GABBR2: variants seen among roughly 807,000 people sequenced by gnomAD.
GABBR2 encodes G-protein coupled receptor 51.
GABBR2 carries 23 observed loss-of-function variants against 105.6 expected under a neutral mutation model. The observed-to-expected ratio is 0.22, with a 90% confidence interval of 0.16 to 0.31. The LOEUF (loss-of-function observed/expected upper bound fraction) is 0.31, where lower values mean the gene tolerates loss of function less well. Ranked by LOEUF, GABBR2 falls within the 10% of genes least tolerant of loss-of-function variation. The pLI is 1.00. For missense variants in GABBR2, 734 were observed against 1,245.5 expected (o/e 0.59, Z 6.18); for synonymous variants, 478 against 499.7 (o/e 0.96, Z 0.58).
At chr9:98,474,021 CT>C (rs1344161663) in intron 5 of GABBR2, among the ~76,000 whole-genome samples, 3 of 152,176 alleles carry the variant, frequency 2.0e-5, no homozygotes, top group Non-Finnish European at 4.4e-5. Flanking sequence ...CGCTCTGAAT[CT>C]TTATCCAAAA....
chr9:98,624,774 T>C (rs1313553394), intron 1 of GABBR2, among the ~76,000 whole-genome samples: 1 of 152,008 alleles, frequency 6.6e-6, no homozygotes, highest in Non-Finnish European at 1.5e-5. Flanking sequence ...TGCTGGCAAA[T>C]GCACTGAGAA....
Position 98,456,635 on chromosome 9 carries a change from G to A in GABBR2, c.1000-2418C>T, listed in dbSNP as rs573743508. 2.6e-5 allele frequency among the ~76,000 whole-genome samples: 4 copies of A among 152,276 alleles called. No homozygotes were observed. The East Asian group carries it at 5.8e-4, about 22-fold the overall frequency. ...GTTTCTCTGTCTGTAAAACACAGGA[G>A]CACACCTATTCACACATTGTAGAGC... On this transcript the variant is annotated intron_variant, in intron 6 of 18. Coordinates refer to ENST00000259455, the MANE Select transcript of GABBR2 (RefSeq NM_005458.8).
At chr9:98,331,516 C>T (rs746734284) in intron 13 of GABBR2, among the ~76,000 whole-genome samples, 2 of 150,490 alleles carry the variant, frequency 1.3e-5, no homozygotes, top group Non-Finnish European at 2.9e-5. Context: ...ACCTACACTG[C>T]CATTGTCAAT....
chr9:98,403,655 G>A (rs551507507), intron 8 of GABBR2, among the ~76,000 whole-genome samples: 4 of 152,110 alleles, frequency 2.6e-5, no homozygotes, highest in South Asian at 2.1e-4. Flanking sequence ...GCAGCCAGGG[G>A]GTTTCAGCAC....
chr9:98,518,202 C>T lies in GABBR2; in HGVS notation c.631-21688G>A, dbSNP rs561281758. 4.9e-4 allele frequency among the ~76,000 whole-genome samples: 74 copies of T among 152,310 alleles called. 1 individual carries two copies. Among genetic ancestry groups the T allele is most frequent in the Non-Finnish European group, 9.1e-4 (62 of 68,026 alleles). On this transcript the variant is annotated intron_variant, in intron 3 of 18. Coordinates refer to ENST00000259455, the MANE Select transcript of GABBR2 (RefSeq NM_005458.8). ...TGCTCGTGACTCCAGCCATTGCTAGCCCCTGGAGCTGCAGTAGCCCTGGTT... is the reference window on the plus strand; with the variant it reads ...TGCTCGTGACTCCAGCCATTGCTAGTCCCTGGAGCTGCAGTAGCCCTGGTT...
At position 98,469,940 on chromosome 9, in the gene GABBR2, G is replaced by A. The variant is rs558972883; in HGVS notation, c.999+3206C>T. Among the ~76,000 whole-genome samples, 135 of 152,236 alleles carry A rather than the reference G, an allele frequency of 8.9e-4. 1 individual carries two copies. Among genetic ancestry groups the A allele is most frequent in the Admixed American group, 1.7e-3 (26 of 15,294 alleles). ...GTGGCCCCAAGCAGCTATATAGAAC[G>A]CAAATTCAAATTCAAGAAACATTTC... On this transcript the variant is annotated intron_variant, in intron 6 of 18. Transcript: ENST00000259455.
intron 7 of GABBR2, among the ~76,000 whole-genome samples, chr9:98,447,063 C>CTTTTTTTTTTTTTTTTTTTTTT (rs369338702): frequency 3.4e-5 from 4 of 116,360 alleles, no homozygotes; most frequent in African/African-American, 1.0e-4. Context: ...AAAAAGACTT[C>CTTTTTTTTTTTTTTTTTTTTTT]TTTTTTTTTT....
chr9:98,667,616 C>T lies in GABBR2; in HGVS notation c.321+40801G>A, dbSNP rs565582990. On this transcript the variant is annotated intron_variant, in intron 1 of 18. Coordinates refer to ENST00000259455, the MANE Select transcript of GABBR2 (RefSeq NM_005458.8). The stretch of plus-strand genomic sequence containing the variant: ...CCTTCAGGGCTCCCTGCGGCATCAG[C>T]TGAGGCCTCTGCTGCAACTGTGTGC... Among the ~76,000 whole-genome samples, 45 of 152,308 alleles carry T rather than the reference C, an allele frequency of 3.0e-4. No homozygotes were observed. The South Asian group carries it at 9.3e-3, about 32-fold the overall frequency.
chr9:98,692,932 G>A (rs538412621), intron 1 of GABBR2, among the ~76,000 whole-genome samples: 28 of 152,274 alleles, frequency 1.8e-4, no homozygotes, highest in South Asian at 1.0e-3. Context: ...AGACTTAACC[G>A]GGTCGATACA....
intron 12 of GABBR2, among the ~76,000 whole-genome samples, chr9:98,364,572 T>C (rs1831642888): frequency 6.6e-6 from 1 of 151,492 alleles, no homozygotes; most frequent in Admixed American, 6.6e-5. Flanking sequence ...TCCAATTTAA[T>C]GGCTCAAGTA....
At chr9:98,350,767 T>A (rs1028167209) in intron 13 of GABBR2, among the ~76,000 whole-genome samples, 3 of 152,236 alleles carry the variant, frequency 2.0e-5, no homozygotes, top group Non-Finnish European at 4.4e-5. Flanking sequence ...TGGTCTACAA[T>A]GTACATTAAT....
At chr9:98,532,628 GC>G (rs1347680468) in intron 3 of GABBR2, among the ~76,000 whole-genome samples, 2 of 152,118 alleles carry the variant, frequency 1.3e-5, no homozygotes, top group Non-Finnish European at 2.9e-5. Context: ...CCTGAAGGCT[GC>G]CCATTCCTTC....
rs1039068075 is a variant in GABBR2 at position 98,290,531 on chromosome 9, C to G, written c.*53G>C. 8.1e-7 allele frequency: 1 copy of G among 1,231,056 alleles called. No individual in the cohort carries two copies. The highest frequency in any genetic ancestry group is 1.6e-5 in the African/African-American group (1 of 64,326). The allele number at this position is 1,231,056 out of a possible 1,614,324, so 76.3% of individuals were successfully genotyped here. A position where few individuals can be genotyped will look rare whatever the true frequency, so the allele number is the denominator to read the frequency against. On this transcript the variant is annotated 3_prime_UTR_variant, in exon 19 of 19. Coordinates refer to ENST00000259455, the MANE Select transcript of GABBR2 (RefSeq NM_005458.8). ...GACAGTGTTTCTGCAGCAGACCCCTCTGCCCAGTGTGGTTCTGTCACGGGG... is the reference window on the plus strand; with the variant it reads ...GACAGTGTTTCTGCAGCAGACCCCTGTGCCCAGTGTGGTTCTGTCACGGGG...
chr9:98,399,514 T>C (rs1182173188), intron 8 of GABBR2, among the ~76,000 whole-genome samples: 2 of 152,118 alleles, frequency 1.3e-5, no homozygotes, highest in Non-Finnish European at 2.9e-5. Context: ...CTACTCCTCA[T>C]TGCACTGGAT....
chr9:98,649,870 C>T (rs1230430785), intron 1 of GABBR2, among the ~76,000 whole-genome samples: 1 of 152,164 alleles, frequency 6.6e-6, no homozygotes, highest in Non-Finnish European at 1.5e-5. Context: ...TGGCCATTTA[C>T]CTTGCTTTAT....
intron 13 of GABBR2, among the ~76,000 whole-genome samples, chr9:98,324,467 A>C (rs930816488): frequency 2.6e-5 from 4 of 150,986 alleles, no homozygotes; most frequent in Admixed American, 2.0e-4. Context: ...AAGCAAGAGC[A>C]CAGTAAGACA....
At chr9:98,432,569 A>C (rs1192173456) in intron 7 of GABBR2, among the ~76,000 whole-genome samples, 1 of 152,216 alleles carries the variant, frequency 6.6e-6, no homozygotes, top group Non-Finnish European at 1.5e-5. Context: ...GACAAGCTAC[A>C]CAACCCATTG....
chr9:98,518,938 G>A (rs1827814888), intron 3 of GABBR2, among the ~76,000 whole-genome samples: 1 of 152,240 alleles, frequency 6.6e-6, no homozygotes, highest in South Asian at 2.1e-4. Flanking sequence ...TGAGCAGGCT[G>A]CCAGCCTGGG....
chr9:98,432,218 G>A (rs541608226), intron 7 of GABBR2, among the ~76,000 whole-genome samples: 139 of 152,254 alleles, frequency 9.1e-4, no homozygotes, highest in Non-Finnish European at 1.6e-3. Context: ...TTAATAAGGA[G>A]TACCATGGCC....
Sources: gnomAD v4.1 joint callset for allele counts (sites outside exome capture counted in the v4.1 genomes callset) on GRCh38, gnomAD v4.1.1 for gene constraint, MANE v1.5 for transcripts, NCBI Gene and HGNC (gene_info 2026-07-23, HGNC 2026-07-21) for gene names.